The following LUZP2 variants were observed in gnomAD, a reference collection of about 807,000 sequenced individuals.
LUZP2 encodes leucine zipper protein 2.
In LUZP2, 52 loss-of-function variants were observed where a neutral mutation model predicts 51.6. That is an observed-to-expected ratio of 1.01 (90% confidence interval 0.81 to 1.27). LUZP2 has a LOEUF of 1.27. Ranked by LOEUF, LUZP2 falls within the 50% of genes most tolerant of loss-of-function variation. LUZP2 has a pLI of 0.00. For synonymous variants in LUZP2, 154 were observed against 137.3 expected (o/e 1.12, Z -0.85); for missense variants, 436 against 395.4 (o/e 1.10, Z -0.87).
At chr11:24,799,132 T>A (rs1849625435) in intron 5 of LUZP2, among the ~76,000 whole-genome samples, 1 of 152,208 alleles carries the variant, frequency 6.6e-6, no homozygotes, top group South Asian at 2.1e-4. Context: ...AAATAAGTAA[T>A]GCTAAATAAA....
In LUZP2 at chr11:24,624,512, G is replaced by C. The variant is rs35519072; in HGVS notation, c.63-104657G>C. 8.6e-3 allele frequency among the ~76,000 whole-genome samples: 1,305 copies of C among 152,210 alleles called. 11 individuals are homozygous for C. Among genetic ancestry groups the C allele is most frequent in the South Asian group, 0.018 (87 of 4,816 alleles). ...AACATATATAAAGTCATATATATAA[G>C]AACTGAGCTTTCCATAATTATTTCC... On this transcript the variant is annotated intron_variant, in intron 1 of 11. Coordinates refer to ENST00000336930, the MANE Select transcript of LUZP2 (RefSeq NM_001009909.4).
chr11:24,880,826 T>C (rs932236788), intron 5 of LUZP2, among the ~76,000 whole-genome samples: 9 of 152,120 alleles, frequency 5.9e-5, no homozygotes, highest in African/African-American at 2.2e-4. Flanking sequence ...GCTAGACACC[T>C]ATTAGCTGCT....
chr11:24,799,117 T>A (rs1332581005), intron 5 of LUZP2, among the ~76,000 whole-genome samples: 1 of 152,202 alleles, frequency 6.6e-6, no homozygotes, highest in Non-Finnish European at 1.5e-5. Flanking sequence ...ATTGTCATCA[T>A]CTGAAAATAA....
At chr11:25,054,765 G>C (rs1405022147) in intron 10 of LUZP2, among the ~76,000 whole-genome samples, 1 of 151,878 alleles carries the variant, frequency 6.6e-6, no homozygotes, top group Non-Finnish European at 1.5e-5. Context: ...TTTATGGGAT[G>C]AGATAAAAAC....
chr11:24,749,231 G>A (rs555275661), intron 4 of LUZP2, among the ~76,000 whole-genome samples: 1 of 152,302 alleles, frequency 6.6e-6, no homozygotes, highest in South Asian at 2.1e-4. Context: ...CCACTTTGGT[G>A]GTCTTTGGTC....
intron 1 of LUZP2, among the ~76,000 whole-genome samples, chr11:24,534,425 A>T (rs899246408): frequency 3.4e-5 from 5 of 147,454 alleles, no homozygotes; most frequent in Non-Finnish European, 6.0e-5. Context: ...ATATAGAAAG[A>T]TTACACATAC....
intron 7 of LUZP2, among the ~76,000 whole-genome samples, chr11:24,926,390 C>CGT (rs199628991): frequency 8.1e-4 from 6 of 7,386 alleles, no homozygotes; most frequent in Non-Finnish European, 8.9e-4. Context: ...TATATATATA[C>CGT]GTGTGTATAT....
chr11:24,598,725 C>T (rs1384367610), intron 1 of LUZP2, among the ~76,000 whole-genome samples: 1 of 152,068 alleles, frequency 6.6e-6, no homozygotes, highest in African/African-American at 2.4e-5. Flanking sequence ...TTGCAATAGC[C>T]AGGAATCAGT....
intron 6 of LUZP2, among the ~76,000 whole-genome samples, chr11:24,912,426 C>T (rs774278577): frequency 6.6e-6 from 1 of 152,054 alleles, no homozygotes; most frequent in Non-Finnish European, 1.5e-5. Context: ...TTGAATCAAT[C>T]ATACTTATAG....
intron 1 of LUZP2, among the ~76,000 whole-genome samples, chr11:24,602,160 A>ATATATG (rs1565020534): frequency 1.1e-5 from 1 of 88,494 alleles, no homozygotes; most frequent in Non-Finnish European, 2.3e-5. Flanking sequence ...GTATATATGT[A>ATATATG]TATATGTGTA....
rs139709029 is a variant in LUZP2, at chr11:24,916,890, A to G, written c.522+2352A>G. 3.8e-3 allele frequency among the ~76,000 whole-genome samples: 573 copies of G among 152,230 alleles called. 8 individuals carry two copies. The highest frequency in any genetic ancestry group is 0.013 in the African/African-American group (540 of 41,540). ...GGGCAAATGGTATTTCTAGTTCTAG[A>G]TCCCTGAGGAATGGCCACACTGTCT... On this transcript the variant is annotated intron_variant, in intron 7 of 11. Coordinates refer to ENST00000336930, the MANE Select transcript of LUZP2 (RefSeq NM_001009909.4).
intron 5 of LUZP2, among the ~76,000 whole-genome samples, chr11:24,868,727 A>G (rs1851966863): frequency 6.6e-6 from 1 of 152,114 alleles, no homozygotes; most frequent in Admixed American, 6.6e-5. Context: ...AATCTCCCCC[A>G]AAAGGATTTT....
intron 5 of LUZP2, among the ~76,000 whole-genome samples, chr11:24,893,628 C>T (rs902062972): frequency 2.6e-5 from 4 of 152,050 alleles, no homozygotes; most frequent in African/African-American, 9.7e-5. Context: ...TTAAACTTTA[C>T]ACATTTGGAC....
chr11:25,026,258 T>A (rs2896720), intron 9 of LUZP2, among the ~76,000 whole-genome samples: 86,571 of 151,516 alleles, frequency 0.57, 26,030 homozygotes, highest in African/African-American at 0.75. Context: ...AACCTGCATG[T>A]TGTGCACATG....
chr11:24,899,842 G>C (rs1457167866), intron 5 of LUZP2, among the ~76,000 whole-genome samples: 1 of 152,078 alleles, frequency 6.6e-6, no homozygotes, highest in African/African-American at 2.4e-5. Flanking sequence ...AATCCACAAT[G>C]ACTTTGGGAT....
intron 9 of LUZP2, among the ~76,000 whole-genome samples, chr11:25,043,600 G>A (rs1858149681): frequency 6.6e-6 from 1 of 151,590 alleles, no homozygotes; most frequent in Non-Finnish European, 1.5e-5. Flanking sequence ...ATATATCCTT[G>A]ATTAAATTAC....
chr11:24,869,741 C>T (rs1338571389), intron 5 of LUZP2, among the ~76,000 whole-genome samples: 3 of 152,084 alleles, frequency 2.0e-5, no homozygotes, highest in Non-Finnish European at 4.4e-5. Flanking sequence ...GGCCATTGCC[C>T]CATCTCGCTC....
intron 5 of LUZP2, among the ~76,000 whole-genome samples, chr11:24,897,960 A>C (rs1415051397): frequency 6.6e-6 from 1 of 152,208 alleles, no homozygotes; most frequent in Non-Finnish European, 1.5e-5. Flanking sequence ...TTCAGAAAAA[A>C]ATACATTGGC....
At chr11:24,783,806 T>G (rs939427295) in intron 5 of LUZP2, among the ~76,000 whole-genome samples, 13 of 151,978 alleles carry the variant, frequency 8.6e-5, no homozygotes, top group Admixed American at 8.5e-4. Flanking sequence ...TTCTGTTTAT[T>G]CCAAGTTTGA....
Sources: allele counts gnomAD v4.1 joint callset (sites outside exome capture counted in the v4.1 genomes callset), GRCh38; gene constraint gnomAD v4.1.1; transcripts MANE v1.5; gene names NCBI Gene and HGNC (gene_info 2026-07-23, HGNC 2026-07-21).